The following ARAP3 variants were observed in gnomAD, a reference collection of about 807,000 sequenced individuals.
ARAP3 encodes the protein arf-GAP with Rho-GAP domain, ANK repeat and PH domain-containing protein 3.
A neutral mutation model predicts 169.2 loss-of-function variants in ARAP3; 82 were observed. The observed-to-expected ratio is 0.48, with a 90% CI of 0.41 to 0.58. The LOEUF (loss-of-function observed/expected upper bound fraction) is 0.58. ARAP3 is among the 20% of genes least tolerant of loss of function. The pLI is 0.00. For missense variants in ARAP3, 1,764 were observed against 2,018.0 expected (o/e 0.87, Z 2.41); for synonymous variants, 791 against 800.3 (o/e 0.99, Z 0.20).
intron 18 of ARAP3, 80 bp downstream of exon 18, chr5:141,665,231 A>G: frequency 1.3e-6 from 2 of 1,578,892 alleles, no homozygotes; most frequent in Non-Finnish European, 1.7e-6. Context: ...GAAGTGGGCA[A>G]TGGCCCAGCA....
In ARAP3 at chr5:141,654,311, A is replaced by C. The variant is rs1332440478; in HGVS notation, c.4274T>G (p.Phe1425Cys). The C allele has an allele frequency of 1.2e-6, 2 of 1,613,424 alleles. No individual in the cohort carries two copies. The highest frequency in any genetic ancestry group is 1.7e-6 in the Non-Finnish European group (2 of 1,179,978). ...CACTGTCCACTCCCGTGTGGTGGAG[A>C]AGGAGGTAGAAGTGTCCTGGATCAA... ...PELIQDTSTS[F>C]STTREWTVKP... The change falls in exon 33 of 33, where the codon TTC becomes TGC. Residue 1425 changes from phenylalanine to cysteine, a missense_variant. Transcript: ENST00000239440.
rs759628920 is a variant in ARAP3, at chr5:141,654,416, C to T, written c.4169G>A (p.Gly1390Glu). ...CAGCTCCTCTTGCTCCTCCACAGACCCCTGGGATGACTTCATTGGCTGGAT... is the reference window on the plus strand; with the variant it reads ...CAGCTCCTCTTGCTCCTCCACAGACTCCTGGGATGACTTCATTGGCTGGAT... Reference protein sequence around the residue: ...SMFFPMKSSQGSVEEQEELEE... With the variant: ...SMFFPMKSSQESVEEQEELEE... Residue 1390 changes from glycine (G) to glutamate (E), a missense_variant, in exon 33 of 33, where the codon GGG (glycine) becomes GAG (glutamate). Gly to Glu is a moderately conservative substitution (Grantham distance 98, BLOSUM62 -2). This residue lies in a region of ARAP3 where 1,112 missense variants were observed against 1,285.7 expected (regional missense o/e 0.86). Coordinates refer to ENST00000239440, the MANE Select transcript of ARAP3 (RefSeq NM_022481.6). 6 of 1,588,278 alleles carry T rather than the reference C, an allele frequency of 3.8e-6. No individual in the cohort carries two copies. The highest frequency in any genetic ancestry group is 5.1e-6 in the Non-Finnish European group (6 of 1,166,184).
chr5:141,666,531 G>C lies in ARAP3; in HGVS notation c.2465C>G (p.Ser822Ter). ...HTAPAPGLWL[S>*]GFGLLRGDHL... ...GTCACCACGAAGGAGGCCAAACCCT[G>C]ACAGCCAGAGACCAGGGGCCGGGGC... Residue 822 changes from serine to a stop codon, truncating the protein, a stop_gained, in exon 17 of 33, where the codon TCA becomes TGA. Coordinates refer to ENST00000239440, the MANE Select transcript of ARAP3 (RefSeq NM_022481.6). LOFTEE classifies it high-confidence loss of function. 6.2e-7 allele frequency: 1 copy of C among 1,600,376 alleles called. No homozygotes were observed. The highest frequency in any genetic ancestry group is 8.5e-7 in the Non-Finnish European group (1 of 1,173,950).
rs775799917 is a variant in ARAP3, at chr5:141,666,595, G to A, written c.2401C>T (p.Arg801Trp). ...GACCGCAGCCATAGGCGGCCCAGCC[G>A]CAGCAGCCCGGGGCCCAGCAGCTGG... Reference protein sequence around the residue: ...CHQLLGPGLLRLGRLWLRSPS... With the variant: ...CHQLLGPGLLWLGRLWLRSPS... The change falls in exon 17 of 33, where the codon CGG becomes TGG. Residue 801 changes from arginine to tryptophan, a missense_variant. Arg to Trp is a moderately radical substitution (Grantham distance 101). Transcript: ENST00000239440. 5 of 1,510,032 alleles carry A rather than the reference G, an allele frequency of 3.3e-6. No individual in the cohort carries two copies. Among genetic ancestry groups the A allele is most frequent in the Non-Finnish European group, 4.4e-6 (5 of 1,126,882 alleles). 93.5% of individuals were successfully genotyped at this position (1,510,032 alleles called of 1,614,324 possible). A position where few individuals can be genotyped will look rare whatever the true frequency, so the allele number is the denominator to read the frequency against.
rs760877192 is a variant in ARAP3, at chr5:141,666,485, C to T, written c.2511G>A (p.Ala837=). ...CAGGGGCTGGGGGGCCTGGGCCCGG[C>T]GCTGAGCACAGGAAGAGGTGGTCAC... The part of the protein sequence containing the change: ...LRGDHLFLCS[A]PGPGPPAPED... Residue 837 remains alanine, a synonymous_variant, in exon 17 of 33, where the codon GCG becomes GCA. Transcript: ENST00000239440. The T allele has an allele frequency of 1.0e-5, 16 of 1,600,808 alleles. No homozygotes were observed. Among genetic ancestry groups the T allele is most frequent in the African/African-American group, 1.3e-5 (1 of 74,514 alleles).
Position 141,666,571 on chromosome 5 carries a change from AC to A in ARAP3, c.2424del (p.Ser809ProfsTer106), listed in dbSNP as rs1252730883. The A allele has an allele frequency of 6.4e-7, 1 of 1,553,404 alleles. No individual in the cohort carries two copies. Among genetic ancestry groups the A allele is most frequent in the African/African-American group, 1.4e-5 (1 of 73,146 alleles). Reference sequence around the variant, plus strand: ...GGGGCCGGGGCTGTATGGGAGGGGGACCGCAGCCATAGGCGGCCCAGCCGCA... The same window carrying A: ...GGGGCCGGGGCTGTATGGGAGGGGGACGCAGCCATAGGCGGCCCAGCCGCA... ...GLLRLGRLWL[R>X]SPSHTAPAPG... On this transcript the variant is annotated frameshift_variant, in exon 17 of 33. Transcript: ENST00000239440. LOFTEE classifies it high-confidence loss of function.
rs1049074146 is a variant in ARAP3, at chr5:141,654,353, A to G, written c.4232T>C (p.Val1411Ala). 1.9e-6 allele frequency: 3 copies of G among 1,614,028 alleles called. No homozygotes were observed. In the Admixed American group the frequency reaches 5.0e-5, roughly 27 times the overall value. ...PVYEEPVYEE[V>A]GAFPELIQDT... ...CTGGATCAACTCAGGGAAGGCCCCT[A>G]CTTCCTCATACACTGGCTCCTCGTA... The change falls in exon 33 of 33, where the codon GTA becomes GCA. Residue 1411 changes from valine (V) to alanine (A), a missense_variant. Val to Ala is a moderately conservative substitution (Grantham distance 64, BLOSUM62 0). This residue lies in a region of ARAP3 where 1,112 missense variants were observed against 1,285.7 expected (regional missense o/e 0.86). Coordinates refer to ENST00000239440, the MANE Select transcript of ARAP3 (RefSeq NM_022481.6).
At chr5:141,666,915 A>T (rs1260356774) in intron 16 of ARAP3, among the ~76,000 whole-genome samples, 13 of 152,084 alleles carry the variant, frequency 8.5e-5, no homozygotes, top group Non-Finnish European at 7.4e-5. Flanking sequence ...TGGCAGCCTC[A>T]TGCCCTTAAT....
intron 16 of ARAP3, among the ~76,000 whole-genome samples, chr5:141,667,103 AG>A (rs1464804320): frequency 1.3e-5 from 2 of 151,882 alleles, no homozygotes; most frequent in Non-Finnish European, 2.9e-5. Context: ...TTGTAGAGAT[AG>A]GGTTTTGCCA....
chr5:141,656,794 G>C lies in ARAP3; in HGVS notation c.3579C>G (p.Cys1193Trp), dbSNP rs1267062807. 4 of 1,612,790 alleles carry C rather than the reference G, an allele frequency of 2.5e-6. No homozygotes were observed. In the African/African-American group the frequency reaches 4.0e-5, roughly 16 times the overall value. The change falls in exon 26 of 33, where the codon TGC becomes TGG. Residue 1193 changes from cysteine (C) to tryptophan (W), a missense_variant. Around this residue, in one of 3 missense-constraint regions of ARAP3, gnomAD observed 1,112 missense variants for 1,285.7 expected, o/e 0.86. Transcript: ENST00000239440. ...EKVLEQALQW[C>W]QLPEPCSASL... Reference sequence around the variant, plus strand: ...AAGCTGAGCAGGGCTCTGGGAGCTGGCACCATTGTAAAGCCTGCTCTAAGA... The same window carrying C: ...AAGCTGAGCAGGGCTCTGGGAGCTGCCACCATTGTAAAGCCTGCTCTAAGA...
rs1204528204 is a variant in ARAP3, at chr5:141,671,816, C to T, written c.1672-64G>A. 2 of 1,609,380 alleles carry T rather than the reference C, an allele frequency of 1.2e-6. No individual in the cohort carries two copies. Among genetic ancestry groups the T allele is most frequent in the Non-Finnish European group, 1.7e-6 (2 of 1,176,892 alleles). On this transcript the variant is annotated intron_variant, in intron 11 of 32. Coordinates refer to ENST00000239440, the MANE Select transcript of ARAP3 (RefSeq NM_022481.6). This position sits in a 1 kb window ranked among gnomAD's most constrained non-coding sequence, Gnocchi z 4.9. ...TCAAGAGTCCTCAGATGTTCCATTC[C>T]TGTCCCCAGGCTGGCCCAAGGCCTG...
intron 16 of ARAP3, among the ~76,000 whole-genome samples, chr5:141,669,061 C>CTGAG (rs1477468847): frequency 2.0e-5 from 3 of 152,168 alleles, no homozygotes; most frequent in African/African-American, 7.2e-5. Flanking sequence ...CGCCCACATA[C>CTGAG]TGAGGGCTTG....
Position 141,654,341 on chromosome 5 carries a change from G to A in ARAP3, c.4244C>T (p.Pro1415Leu). Reference protein sequence around the residue: ...EPVYEEVGAFPELIQDTSTSF... With the variant: ...EPVYEEVGAFLELIQDTSTSF... Reference sequence around the variant, plus strand: ...GGTAGAAGTGTCCTGGATCAACTCAGGGAAGGCCCCTACTTCCTCATACAC... The same window carrying A: ...GGTAGAAGTGTCCTGGATCAACTCAAGGAAGGCCCCTACTTCCTCATACAC... Residue 1415 changes from proline (P) to leucine (L), a missense_variant, in exon 33 of 33, where the codon CCT becomes CTT. Transcript: ENST00000239440. 1 of 1,614,120 alleles carries A rather than the reference G, an allele frequency of 6.2e-7. No homozygotes were observed. The highest frequency in any genetic ancestry group is 8.5e-7 in the Non-Finnish European group (1 of 1,180,008).
At position 141,670,056 on chromosome 5, in the gene ARAP3, C is replaced by T. The variant is rs368167828; in HGVS notation, c.2115G>A (p.Pro705=). 1.3e-4 allele frequency: 210 copies of T among 1,591,430 alleles called. 1 individual carries two copies. Among genetic ancestry groups the T allele is most frequent in the Non-Finnish European group, 1.7e-4 (200 of 1,174,466 alleles). The change falls in exon 15 of 33, where the codon CCG becomes CCA. Residue 705 remains proline (P), a synonymous_variant. Coordinates refer to ENST00000239440, the MANE Select transcript of ARAP3 (RefSeq NM_022481.6). ...CTGCTCCCAGCACACACCAAAGGCG[C>T]GGGGGAGCTAAGGCAGAGGGAGATA... ...SPPRRGRDAP[P]RLWCVLGAAL...
chr5:141,659,697 T>G, intron 22 of ARAP3, 82 bp downstream of exon 22: 1 of 1,546,228 alleles, frequency 6.5e-7, no homozygotes, highest in Non-Finnish European at 8.8e-7. Context: ...GGGGGCTTGT[T>G]GGGGTGATCA....
chr5:141,679,700 G>A, intron 3 of ARAP3, 44 bp from the exon 4 acceptor site: 2 of 1,613,738 alleles, frequency 1.2e-6, no homozygotes, highest in Non-Finnish European at 1.7e-6. Context: ...GGAGATCGCT[G>A]GGAGTGTATG....
chr5:141,666,803 G>T (rs1168223926), intron 16 of ARAP3, 160 bp from the exon 17 acceptor site: 5 of 422,618 alleles, frequency 1.2e-5, no homozygotes, highest in Non-Finnish European at 2.1e-5. Flanking sequence ...GAGCAGAGGA[G>T]ACAGCCAAGG....
Position 141,671,810 on chromosome 5 carries a change from C to T in ARAP3, c.1672-58G>A, listed in dbSNP as rs138193748. 2 of 1,607,542 alleles carry T rather than the reference C, an allele frequency of 1.2e-6. No homozygotes were observed. Among genetic ancestry groups the T allele is most frequent in the Non-Finnish European group, 1.7e-6 (2 of 1,175,784 alleles). ...AGGAACTCAAGAGTCCTCAGATGTT[C>T]CATTCCTGTCCCCAGGCTGGCCCAA... On this transcript the variant is annotated intron_variant, in intron 11 of 32. Transcript: ENST00000239440. This position sits in a 1 kb window ranked among gnomAD's most constrained non-coding sequence, Gnocchi z 4.9.
intron 4 of ARAP3, among the ~76,000 whole-genome samples, chr5:141,676,620 C>A (rs1277089994): frequency 1.3e-5 from 2 of 152,148 alleles, no homozygotes; most frequent in Non-Finnish European, 2.9e-5. Context: ...TGGCCTCTCC[C>A]TTCTTCTTCT....
Sources: allele counts gnomAD v4.1 joint callset (sites outside exome capture counted in the v4.1 genomes callset), GRCh38; gene constraint gnomAD v4.1.1; regional missense constraint gnomAD v4.1.1; non-coding constraint Gnocchi (gnomAD v3.1); transcripts MANE v1.5; gene names NCBI Gene and HGNC (gene_info 2026-07-23, HGNC 2026-07-21).